TFEC: variants seen among roughly 807,000 people sequenced by gnomAD.
TFEC encodes the protein transcription factor EC.
A neutral mutation model predicts 41.6 loss-of-function variants in TFEC; 31 were observed. The observed-to-expected ratio is 0.74, with a 90% CI of 0.56 to 1.01. The LOEUF (loss-of-function observed/expected upper bound fraction) is 1.01. Ranked by LOEUF, TFEC falls within the 50% of genes least tolerant of loss-of-function variation. The pLI, the probability that TFEC is intolerant of heterozygous loss-of-function variation, is 0.00. For missense variants in TFEC, 402 were observed against 404.1 expected (o/e 0.99, Z 0.04); for synonymous variants, 143 against 140.6 (o/e 1.02, Z -0.12).
chr7:116,105,244 C>A (rs1026326946), intron 3 of TFEC, among the ~76,000 whole-genome samples: 10 of 152,174 alleles, frequency 6.6e-5, no homozygotes, highest in Admixed American at 2.6e-4. Context: ...ATCCCCTACT[C>A]TGGCACAAAA....
chr7:115,946,590 C>A (rs1016994411), intron 6 of TFEC, among the ~76,000 whole-genome samples: 2 of 144,872 alleles, frequency 1.4e-5, no homozygotes, highest in African/African-American at 5.1e-5. Flanking sequence ...TTGCTCTTTC[C>A]TTCTTTCTTT....
intron 6 of TFEC, among the ~76,000 whole-genome samples, chr7:115,948,431 T>C (rs1269327928): frequency 2.0e-5 from 3 of 152,154 alleles, no homozygotes; most frequent in African/African-American, 2.4e-5. Context: ...TTGATGAACA[T>C]TGATGCAAAA....
At chr7:115,985,178 C>G (rs1793797033) in intron 1 of TFEC, among the ~76,000 whole-genome samples, 1 of 151,982 alleles carries the variant, frequency 6.6e-6, no homozygotes, top group African/African-American at 2.4e-5. Context: ...CAGGAGCATT[C>G]AGAAAAAAAT....
Position 115,940,697 on chromosome 7 carries a change from C to G in TFEC, c.898G>C (p.Glu300Gln). 1 of 1,613,570 alleles carries G rather than the reference C, an allele frequency of 6.2e-7. No individual in the cohort carries two copies. Among genetic ancestry groups the G allele is most frequent in the African/African-American group, 1.3e-5 (1 of 74,984 alleles). The change falls in exon 8 of 8, where the codon GAG becomes CAG. Residue 300 changes from glutamate to glutamine, a missense_variant. Physicochemically the swap from Glu to Gln is conservative, Grantham distance 29. Transcript: ENST00000265440. ...TDLSFSAALKEEQRLDGMLLD... is the reference protein window; with the variant it reads ...TDLSFSAALKQEQRLDGMLLD... ...AGCATGCCATCCAATCTTTGTTCCT[C>G]TTTCAATGCAGCACTAAATGATAAA...
chr7:116,054,632 A>C (rs1313839112), intron 3 of TFEC, among the ~76,000 whole-genome samples: 1 of 152,192 alleles, frequency 6.6e-6, no homozygotes, highest in African/African-American at 2.4e-5. Flanking sequence ...GCCCAGATAC[A>C]TTTGAATTTC....
At chr7:116,108,650 T>G (rs1000754636) in intron 3 of TFEC, among the ~76,000 whole-genome samples, 5 of 152,166 alleles carry the variant, frequency 3.3e-5, no homozygotes, top group Admixed American at 6.6e-5. Flanking sequence ...CTAGATGTGC[T>G]ACCTTGAATA....
At chr7:116,043,124 T>C (rs1260323559) in intron 3 of TFEC, among the ~76,000 whole-genome samples, 1 of 152,138 alleles carries the variant, frequency 6.6e-6, no homozygotes, top group Non-Finnish European at 1.5e-5. Flanking sequence ...TCTTAAGGCT[T>C]TTATCAAAGT....
At chr7:116,144,371 C>T (rs1217105750) in intron 1 of TFEC, among the ~76,000 whole-genome samples, 6 of 152,246 alleles carry the variant, frequency 3.9e-5, no homozygotes, top group Non-Finnish European at 1.5e-5. Flanking sequence ...TAACTGAAAT[C>T]GGCAGGCAGT....
chr7:116,105,363 C>A (rs1797693677), intron 3 of TFEC, among the ~76,000 whole-genome samples: 1 of 152,158 alleles, frequency 6.6e-6, no homozygotes, highest in Non-Finnish European at 1.5e-5. Flanking sequence ...ATATTTTTCT[C>A]CAGTTAATAG....
rs115788297 is a variant in TFEC at position 116,115,664 on chromosome 7, C to A, written c.-68-3626G>T. Reference sequence around the variant, plus strand: ...TTAACTTAATCACATATGCAAGTTTCTTTTGCCATGTATAGTAACATCCAC... The same window carrying A: ...TTAACTTAATCACATATGCAAGTTTATTTTGCCATGTATAGTAACATCCAC... On this transcript the variant is annotated intron_variant, in intron 1 of 8. Transcript: ENST00000484212. 9.8e-3 allele frequency among the ~76,000 whole-genome samples: 1,494 copies of A among 152,084 alleles called. 29 individuals carry two copies. Among genetic ancestry groups the A allele is most frequent in the African/African-American group, 0.034 (1,426 of 41,520 alleles).
chr7:116,114,393 TA>T (rs75270510), intron 1 of TFEC, among the ~76,000 whole-genome samples: 22,936 of 151,900 alleles, frequency 0.15, 1,773 homozygotes, highest in East Asian at 0.25. Flanking sequence ...AAAACAAAAA[TA>T]AAACAAAATA....
chr7:116,027,199 C>G (rs143517483), intron 1 of TFEC, among the ~76,000 whole-genome samples: 62 of 152,174 alleles, frequency 4.1e-4, no homozygotes, highest in African/African-American at 1.4e-3. Context: ...AGGTACTGGT[C>G]TAGATTTTGG....
intron 3 of TFEC, among the ~76,000 whole-genome samples, chr7:116,062,324 C>A (rs1304876138): frequency 7.3e-6 from 1 of 137,846 alleles, no homozygotes; most frequent in Non-Finnish European, 1.5e-5. Flanking sequence ...CTCAAGTGAT[C>A]CACCCCACTT....
chr7:116,095,456 A>T (rs1402827515), intron 3 of TFEC, among the ~76,000 whole-genome samples: 1 of 152,184 alleles, frequency 6.6e-6, no homozygotes, highest in African/African-American at 2.4e-5. Context: ...ACATATACAT[A>T]CACACATATC....
intron 3 of TFEC, among the ~76,000 whole-genome samples, chr7:116,089,468 G>A (rs1192069964): frequency 6.6e-6 from 1 of 152,088 alleles, no homozygotes; most frequent in African/African-American, 2.4e-5. Context: ...GTATTGGCCG[G>A]AACAAGAGGT....
chr7:116,158,276 A>C (rs1266843266), intron 1 of TFEC, among the ~76,000 whole-genome samples: 1 of 152,044 alleles, frequency 6.6e-6, no homozygotes, highest in Non-Finnish European at 1.5e-5. Context: ...AGTCTTTTTT[A>C]ATGACTATTT....
chr7:115,991,005 G>A (rs1478772337), intron 1 of TFEC, among the ~76,000 whole-genome samples: 3 of 152,164 alleles, frequency 2.0e-5, no homozygotes, highest in Non-Finnish European at 4.4e-5. Context: ...CCCACAAAGG[G>A]AAGCCCATCA....
At chr7:116,028,392 G>C (rs775059720) in intron 1 of TFEC, among the ~76,000 whole-genome samples, 1 of 152,086 alleles carries the variant, frequency 6.6e-6, no homozygotes. Flanking sequence ...GCGTAAATTA[G>C]TTTCTTGCTG....
intron 1 of TFEC, among the ~76,000 whole-genome samples, chr7:116,136,991 T>C (rs181207292): frequency 6.6e-6 from 1 of 152,206 alleles, no homozygotes; most frequent in African/African-American, 2.4e-5. Flanking sequence ...AACTGTTAAT[T>C]TCATATAATA....
Sources: gnomAD v4.1 joint callset for allele counts (sites outside exome capture counted in the v4.1 genomes callset) on GRCh38, gnomAD v4.1.1 for gene constraint, MANE v1.5 for transcripts, NCBI Gene and HGNC (gene_info 2026-07-23, HGNC 2026-07-21) for gene names.